Variants in MIER1 observed in about 807,000 individuals in gnomAD.
MIER1 encodes the protein mesoderm induction early response protein 1.
In MIER1, 40 loss-of-function variants were observed where a neutral mutation model predicts 75.7. The observed-to-expected ratio is 0.53, with a 90% CI of 0.41 to 0.69. The LOEUF is 0.69. MIER1 is among the 30% of genes least tolerant of loss of function. MIER1 has a pLI of 0.00. For synonymous variants in MIER1, 213 were observed against 223.4 expected (o/e 0.95, Z 0.42); for missense variants, 574 against 680.2 (o/e 0.84, Z 1.74).
At chr1:66,967,711 T>C (rs903488277) in intron 8 of MIER1, among the ~76,000 whole-genome samples, 28 of 151,960 alleles carry the variant, frequency 1.8e-4, no homozygotes, top group African/African-American at 6.5e-4. Flanking sequence ...ATTATGGAGA[T>C]CTTTCACTTC....
At chr1:66,944,110 C>G (rs1482768728) in intron 3 of MIER1, among the ~76,000 whole-genome samples, 2 of 151,556 alleles carry the variant, frequency 1.3e-5, no homozygotes, top group East Asian at 3.9e-4. Flanking sequence ...GGTAAGCACT[C>G]AAAAAAATGA....
At chr1:66,982,093 T>C (rs1176805143) in intron 13 of MIER1, among the ~76,000 whole-genome samples, 175 bp downstream of exon 13, 1 of 152,230 alleles carries the variant, frequency 6.6e-6, no homozygotes, top group Non-Finnish European at 1.5e-5. Context: ...TACAAAGTGA[T>C]TGGACATCAC....
intron 8 of MIER1, among the ~76,000 whole-genome samples, chr1:66,969,098 A>G (rs529725038): frequency 2.9e-4 from 44 of 152,334 alleles, no homozygotes; most frequent in Non-Finnish European, 5.0e-4. Flanking sequence ...GGATTGTACC[A>G]GCAGATTAGA....
intron 3 of MIER1, among the ~76,000 whole-genome samples, chr1:66,942,466 TGTAAG>T (rs1437236249): frequency 2.0e-5 from 3 of 152,202 alleles, no homozygotes; most frequent in African/African-American, 7.2e-5. Context: ...TTTGAAAAGA[TGTAAG>T]GTACCTTTTC....
At chr1:66,960,716 G>T (rs1558074899) in intron 7 of MIER1, among the ~76,000 whole-genome samples, 2 of 152,284 alleles carry the variant, frequency 1.3e-5, no homozygotes, top group Non-Finnish European at 1.5e-5. Context: ...GAGAGACAAG[G>T]TTAGCCCAGT....
chr1:66,925,222 C>T, intron 1 of MIER1, 127 bp downstream of exon 1: 3 of 1,370,748 alleles, frequency 2.2e-6, no homozygotes, highest in East Asian at 3.0e-5. Context: ...CCGGAAGACC[C>T]TTAACTTCCG....
At chr1:66,958,792 T>G in intron 5 of MIER1, 59 bp from the exon 6 acceptor site, 2 of 1,391,242 alleles carry the variant, frequency 1.4e-6, no homozygotes, top group Non-Finnish European at 2.0e-6. Context: ...TATGCTATGG[T>G]CTTTCATCTG....
At chr1:66,972,038 G>A (rs1558099154) in intron 10 of MIER1, among the ~76,000 whole-genome samples, 1 of 142,800 alleles carries the variant, frequency 7.0e-6, no homozygotes, top group Admixed American at 6.9e-5. Flanking sequence ...CTATGAACTA[G>A]GTAGTATGAC....
chr1:66,945,273 A>G (rs1301065244), intron 3 of MIER1, among the ~76,000 whole-genome samples: 161 of 1,276 alleles, frequency 0.13, no homozygotes, highest in African/African-American at 0.38. Flanking sequence ...GTGTGTATAT[A>G]TATATATATA....
intron 12 of MIER1, among the ~76,000 whole-genome samples, chr1:66,977,266 CG>C: frequency 6.6e-6 from 1 of 151,994 alleles, no homozygotes; most frequent in African/African-American, 2.4e-5. Flanking sequence ...CCTGCCATGA[CG>C]CCTGGCTAAT....
chr1:66,936,023 T>C (rs542862347), intron 2 of MIER1, among the ~76,000 whole-genome samples: 1 of 152,196 alleles, frequency 6.6e-6, no homozygotes, highest in Admixed American at 6.5e-5. Context: ...GTGTCTTTTT[T>C]AAAATATATC....
chr1:66,973,209 T>G (rs566512473), intron 11 of MIER1, among the ~76,000 whole-genome samples: 143 of 152,212 alleles, frequency 9.4e-4, no homozygotes, highest in Middle Eastern at 3.4e-3. Flanking sequence ...TGCAGGTGTT[T>G]AAGAATTGTA....
intron 8 of MIER1, among the ~76,000 whole-genome samples, chr1:66,970,507 C>T (rs2101868675): frequency 6.6e-6 from 1 of 152,240 alleles, no homozygotes; most frequent in East Asian, 1.9e-4. Flanking sequence ...TGCCCAAGGT[C>T]ATCATACATG....
At position 66,987,746 on chromosome 1, in the gene MIER1, T is replaced by C. The variant is rs534536378; in HGVS notation, c.*2846T>C. The C allele has an allele frequency of 1.4e-4, 21 of 150,356 alleles. No individual in the cohort carries two copies. Among genetic ancestry groups the C allele is most frequent in the Non-Finnish European group, 2.7e-4 (18 of 67,792 alleles). 9.3% of individuals were successfully genotyped at this position (150,356 alleles called of 1,614,324 possible). ...TATTAGAGATTGTTTGAATGATGCA[T>C]GTTATTGACAAGGCAAATATATATA... On this transcript the variant is annotated 3_prime_UTR_variant, in exon 14 of 14. Coordinates refer to ENST00000401041, the MANE Select transcript of MIER1 (RefSeq NM_001077700.3).
intron 3 of MIER1, among the ~76,000 whole-genome samples, chr1:66,944,715 A>T (rs1657074790): frequency 6.6e-6 from 1 of 151,062 alleles, no homozygotes; most frequent in African/African-American, 2.4e-5. Flanking sequence ...CAAATATTAG[A>T]TTTTTTTTTA....
intron 13 of MIER1, among the ~76,000 whole-genome samples, chr1:66,983,439 CAATTA>C (rs1260592297): frequency 6.6e-6 from 1 of 152,098 alleles, no homozygotes; most frequent in Non-Finnish European, 1.5e-5. Flanking sequence ...ATTTTTCAAG[CAATTA>C]AATTGTAATT....
chr1:66,986,628 T>C lies in MIER1; in HGVS notation c.*1728T>C. On this transcript the variant is annotated 3_prime_UTR_variant, in exon 14 of 14. Coordinates refer to ENST00000401041, the MANE Select transcript of MIER1 (RefSeq NM_001077700.3). ...CTTCACCAATGTGAACAACTTTTTT[T>C]CCCAAACAGTGTTAAAAGCCACTTT... 3.2e-6 allele frequency: 2 copies of C among 618,148 alleles called. No individual in the cohort carries two copies. Among genetic ancestry groups the C allele is most frequent in the South Asian group, 4.6e-5 (2 of 43,334 alleles). 38.3% of individuals were successfully genotyped at this position (618,148 alleles called of 1,614,324 possible).
Position 66,985,077 on chromosome 1 carries a change from A to T in MIER1, c.*177A>T. On this transcript the variant is annotated 3_prime_UTR_variant, in exon 14 of 14. Coordinates refer to ENST00000401041, the MANE Select transcript of MIER1 (RefSeq NM_001077700.3). ...CCTTTTGCAGATTTTTTTACTTTAA[A>T]GCTGTCAGACTCTTTTAAGGGTATT... The T allele has an allele frequency of 7.4e-7, 1 of 1,346,920 alleles. No individual in the cohort carries two copies. The allele number at this position is 1,346,920 out of a possible 1,614,324, so 83.4% of individuals were successfully genotyped here.
At chr1:66,932,363 T>G (rs1196991067) in intron 2 of MIER1, among the ~76,000 whole-genome samples, 1 of 152,228 alleles carries the variant, frequency 6.6e-6, no homozygotes, top group African/African-American at 2.4e-5. Context: ...CTGGTATCTT[T>G]AAACAATTTA....
Sources: gnomAD v4.1 joint callset for allele counts (sites outside exome capture counted in the v4.1 genomes callset) on GRCh38, gnomAD v4.1.1 for gene constraint, MANE v1.5 for transcripts, NCBI Gene and HGNC (gene_info 2026-07-23, HGNC 2026-07-21) for gene names.